The following FNBP1L variants were observed in gnomAD, a reference collection of about 807,000 sequenced individuals.
FNBP1L encodes the protein formin-binding protein 1-like.
A neutral mutation model predicts 91.2 loss-of-function variants in FNBP1L; 36 were observed. The ratio of observed to expected loss-of-function variants is 0.39; its 90% CI spans 0.30 to 0.52. The LOEUF (loss-of-function observed/expected upper bound fraction) is 0.52, where lower values mean the gene tolerates loss of function less well. Ranked by LOEUF, FNBP1L falls within the 20% of genes least tolerant of loss-of-function variation. FNBP1L has a pLI of 0.66. For missense variants in FNBP1L, 571 were observed against 732.1 expected, an observed-to-expected ratio of 0.78 and a Z score of 2.54; for synonymous variants, 242 against 237.0, an observed-to-expected ratio of 1.02 and a Z score of -0.19.
At chr1:93,466,633 C>T (rs550260924) in intron 1 of FNBP1L, among the ~76,000 whole-genome samples, 2 of 152,196 alleles carry the variant, frequency 1.3e-5, no homozygotes, top group Middle Eastern at 3.4e-3. Context: ...GGTCAGGTAG[C>T]GTCATGCCTC....
chr1:93,496,291 G>A (rs1670258638), intron 1 of FNBP1L, among the ~76,000 whole-genome samples: 1 of 139,754 alleles, frequency 7.2e-6, no homozygotes, highest in Non-Finnish European at 1.5e-5. Flanking sequence ...GGATCTCACT[G>A]TCACCCAGGC....
At chr1:93,489,661 G>C (rs542552437) in intron 1 of FNBP1L, among the ~76,000 whole-genome samples, 211 of 152,094 alleles carry the variant, frequency 1.4e-3, no homozygotes, top group Non-Finnish European at 2.4e-3. Context: ...GAAAAGACTT[G>C]GAGGAGTTTC....
intron 2 of FNBP1L, among the ~76,000 whole-genome samples, chr1:93,510,916 A>G (rs1217844687): frequency 6.6e-6 from 1 of 152,120 alleles, no homozygotes; most frequent in Non-Finnish European, 1.5e-5. Context: ...AATAGAATAA[A>G]AAGAAACGAA....
At chr1:93,513,812 C>T (rs1488812779) in intron 2 of FNBP1L, among the ~76,000 whole-genome samples, 1 of 152,184 alleles carries the variant, frequency 6.6e-6, no homozygotes. Flanking sequence ...CAGCCAATAT[C>T]ATACTGAATG....
chr1:93,503,669 A>G (rs1396830509), intron 2 of FNBP1L, among the ~76,000 whole-genome samples: 4 of 152,212 alleles, frequency 2.6e-5, no homozygotes, highest in Non-Finnish European at 5.9e-5. Context: ...GTTATATGCA[A>G]TTGAATCATG....
At chr1:93,514,879 C>T (rs1423342957) in intron 2 of FNBP1L, among the ~76,000 whole-genome samples, 5 of 152,118 alleles carry the variant, frequency 3.3e-5, no homozygotes, top group African/African-American at 7.2e-5. Context: ...ATGTCTAAAA[C>T]ACCAAAAGCA....
chr1:93,499,585 T>C lies in FNBP1L; in HGVS notation c.140+2T>C. On this transcript the variant is annotated splice_donor_variant, in intron 2 of 16. Transcript: ENST00000271234. LOFTEE classifies it high-confidence loss of function. Reference sequence around the variant, plus strand: ...ACAGAACTATGCGAAACAATTGAGGTAAGTTAATTTTTTTTTCAGTTTTTA... The same window carrying C: ...ACAGAACTATGCGAAACAATTGAGGCAAGTTAATTTTTTTTTCAGTTTTTA... The C allele has an allele frequency of 6.5e-7, 1 of 1,530,208 alleles. No individual in the cohort carries two copies. Among genetic ancestry groups the C allele is most frequent in the Non-Finnish European group, 8.8e-7 (1 of 1,133,022 alleles). 94.8% of individuals were successfully genotyped at this position (1,530,208 alleles called of 1,614,324 possible).
chr1:93,531,567 T>G (rs1260515189), intron 7 of FNBP1L, among the ~76,000 whole-genome samples: 1 of 152,092 alleles, frequency 6.6e-6, no homozygotes, highest in Non-Finnish European at 1.5e-5. Flanking sequence ...CCGGGTACAC[T>G]TTTTCTTCTT....
chr1:93,541,905 A>C (rs1028330572), intron 11 of FNBP1L, among the ~76,000 whole-genome samples: 6 of 152,244 alleles, frequency 3.9e-5, no homozygotes, highest in African/African-American at 1.4e-4. Flanking sequence ...CTCAGTGTTT[A>C]CTGTTCATAA....
At chr1:93,542,784 T>TG (rs1672093749) in intron 11 of FNBP1L, among the ~76,000 whole-genome samples, 1 of 149,340 alleles carries the variant, frequency 6.7e-6, no homozygotes, top group East Asian at 1.9e-4. Context: ...ACCTTTTTTT[T>TG]TTTTTTTTTT....
chr1:93,450,917 T>C (rs1052433174), intron 1 of FNBP1L, among the ~76,000 whole-genome samples: 17 of 152,204 alleles, frequency 1.1e-4, no homozygotes, highest in Non-Finnish European at 2.4e-4. Flanking sequence ...ATACTGACTT[T>C]GGGGGACTTT....
intron 1 of FNBP1L, among the ~76,000 whole-genome samples, chr1:93,493,325 A>G (rs1332574175): frequency 6.6e-6 from 1 of 152,234 alleles, no homozygotes; most frequent in Non-Finnish European, 1.5e-5. Flanking sequence ...GGTGAACCAC[A>G]GGAAATTTAT....
intron 1 of FNBP1L, among the ~76,000 whole-genome samples, chr1:93,464,430 C>T (rs560695316): frequency 5.9e-5 from 9 of 152,266 alleles, no homozygotes; most frequent in Non-Finnish European, 1.3e-4. Flanking sequence ...TCATATGTCT[C>T]TGGAATCCCA....
chr1:93,467,198 T>A (rs1022836891), intron 1 of FNBP1L, among the ~76,000 whole-genome samples: 4 of 152,190 alleles, frequency 2.6e-5, no homozygotes, highest in African/African-American at 9.6e-5. Context: ...CCCGTGTGTA[T>A]AGCAGCATTA....
chr1:93,460,852 A>G (rs1321431240), intron 1 of FNBP1L, among the ~76,000 whole-genome samples: 4 of 152,216 alleles, frequency 2.6e-5, no homozygotes, highest in Admixed American at 1.3e-4. Flanking sequence ...AAAGAGATCT[A>G]TTGTACATCA....
Position 93,510,620 on chromosome 1 carries a change from T to C in FNBP1L, c.140+11037T>C, listed in dbSNP as rs577990071. Among the ~76,000 whole-genome samples, 4 of 152,166 alleles carry C rather than the reference T, an allele frequency of 2.6e-5. No homozygotes were observed. The South Asian group carries it at 8.4e-4, about 32-fold the overall frequency. On this transcript the variant is annotated intron_variant, in intron 2 of 16. Coordinates refer to ENST00000271234, the MANE Select transcript of FNBP1L (RefSeq NM_001164473.3). Reference sequence around the variant, plus strand: ...AAAGCTGGACGGAGAATGACTTTGATGAGCTGAGAGAAGGCTTCAGATGAT... The same window carrying C: ...AAAGCTGGACGGAGAATGACTTTGACGAGCTGAGAGAAGGCTTCAGATGAT...
chr1:93,480,073 A>C (rs1404145793), intron 1 of FNBP1L, among the ~76,000 whole-genome samples: 1 of 152,218 alleles, frequency 6.6e-6, no homozygotes, highest in Admixed American at 6.5e-5. Context: ...ATAAATGTTC[A>C]TGAAATCTTC....
intron 1 of FNBP1L, among the ~76,000 whole-genome samples, chr1:93,490,850 G>GT (rs1490608022): frequency 4.6e-5 from 7 of 152,214 alleles, no homozygotes; most frequent in Non-Finnish European, 7.3e-5. Flanking sequence ...CCAGGAGGAT[G>GT]TATGATCTCA....
At chr1:93,479,109 A>C (rs909920164) in intron 1 of FNBP1L, among the ~76,000 whole-genome samples, 1 of 152,232 alleles carries the variant, frequency 6.6e-6, no homozygotes, top group African/African-American at 2.4e-5. Flanking sequence ...GAAAGAGTAC[A>C]AAGAGAGGAA....
Sources: gnomAD v4.1 joint callset for allele counts (sites outside exome capture counted in the v4.1 genomes callset) on GRCh38, gnomAD v4.1.1 for gene constraint, MANE v1.5 for transcripts, NCBI Gene and HGNC (gene_info 2026-07-23, HGNC 2026-07-21) for gene names.